Variants in FMN1 observed in about 807,000 individuals in gnomAD.
The protein encoded by FMN1 is formin 1, also known as formin-1.
A neutral mutation model predicts 132.4 loss-of-function variants in FMN1; 110 were observed. The observed-to-expected ratio is 0.83, with a 90% CI of 0.71 to 0.97. FMN1 has a LOEUF of 0.97. FMN1 is among the 50% of genes least tolerant of loss of function. The pLI is 0.00. For synonymous variants in FMN1, 722 were observed against 651.7 expected (o/e 1.11, Z -1.64); for missense variants, 1,792 against 1,705.3 (o/e 1.05, Z -0.90).
At chr15:33,011,664 G>C (rs1286807843) in intron 6 of FMN1, among the ~76,000 whole-genome samples, 2 of 151,990 alleles carry the variant, frequency 1.3e-5, no homozygotes, top group East Asian at 1.9e-4. Flanking sequence ...CATCAATAGA[G>C]ATAACATTCC....
chr15:32,926,124 G>T, intron 10 of FMN1, 50 bp downstream of exon 10: 1 of 1,011,688 alleles, frequency 9.9e-7, no homozygotes, highest in Non-Finnish European at 1.5e-6. Context: ...AGAATGAAAT[G>T]TTTTTTAAAA....
At chr15:33,134,619 G>C (rs980576203) in intron 4 of FMN1, among the ~76,000 whole-genome samples, 1 of 152,208 alleles carries the variant, frequency 6.6e-6, no homozygotes, top group Non-Finnish European at 1.5e-5. Context: ...CAAGTGGAGA[G>C]CACCGAAAGG....
intron 17 of FMN1, among the ~76,000 whole-genome samples, chr15:32,840,879 AAAG>A (rs1325656157): frequency 1.3e-5 from 2 of 152,226 alleles, no homozygotes; most frequent in African/African-American, 4.8e-5. Flanking sequence ...ATCGTTGTTT[AAAG>A]AAGAACAGAT....
chr15:33,113,401 T>G (rs2039787527), intron 4 of FMN1, among the ~76,000 whole-genome samples: 1 of 138,016 alleles, frequency 7.2e-6, no homozygotes, highest in Non-Finnish European at 1.6e-5. Flanking sequence ...AGTGATTTCA[T>G]TCCAGCCTTT....
chr15:32,912,736 T>G (rs1183125846), intron 10 of FMN1, among the ~76,000 whole-genome samples: 6 of 150,836 alleles, frequency 4.0e-5, no homozygotes, highest in Admixed American at 4.0e-4. Flanking sequence ...ACATTCAAGG[T>G]ATAGAAAAAA....
intron 5 of FMN1, among the ~76,000 whole-genome samples, chr15:33,075,177 C>G (rs2038159930): frequency 2.0e-5 from 3 of 152,110 alleles, no homozygotes; most frequent in Non-Finnish European, 4.4e-5. Context: ...AGTACCTACA[C>G]TTCATGAATT....
intron 7 of FMN1, among the ~76,000 whole-genome samples, chr15:32,992,814 G>T (rs1160805868): frequency 1.3e-5 from 2 of 152,004 alleles, no homozygotes; most frequent in Admixed American, 6.6e-5. Context: ...ATCAATAGTG[G>T]GTCATAAAAA....
chr15:33,079,158 C>G (rs1016549044), intron 5 of FMN1, among the ~76,000 whole-genome samples: 1 of 152,016 alleles, frequency 6.6e-6, no homozygotes, highest in Admixed American at 6.6e-5. Flanking sequence ...TCTGTATATA[C>G]CCTCAAAAGT....
At chr15:33,059,793 T>TA (rs1250357541) in intron 6 of FMN1, among the ~76,000 whole-genome samples, 2 of 152,212 alleles carry the variant, frequency 1.3e-5, no homozygotes, top group African/African-American at 4.8e-5. Flanking sequence ...TTTTATATTC[T>TA]AAAAACTGAG....
chr15:33,086,365 CA>C (rs947025880), intron 5 of FMN1, among the ~76,000 whole-genome samples: 46 of 122,028 alleles, frequency 3.8e-4, no homozygotes, highest in South Asian at 2.8e-3. Flanking sequence ...TGAAAAAATA[CA>C]AAAAAAAATT....
chr15:33,104,506 T>C (rs1355361126), intron 4 of FMN1, among the ~76,000 whole-genome samples: 1 of 152,070 alleles, frequency 6.6e-6, no homozygotes, highest in Non-Finnish European at 1.5e-5. Context: ...CACCCTGGTA[T>C]GTGGTTGGGG....
chr15:33,168,788 G>T (rs143141318), intron 3 of FMN1, among the ~76,000 whole-genome samples: 1 of 152,144 alleles, frequency 6.6e-6, no homozygotes, highest in Non-Finnish European at 1.5e-5. Context: ...ATCTAAACCA[G>T]ATCTAACTAG....
intron 16 of FMN1, among the ~76,000 whole-genome samples, chr15:32,880,292 A>T (rs2059737343): frequency 6.6e-6 from 1 of 151,614 alleles, no homozygotes; most frequent in South Asian, 2.1e-4. Flanking sequence ...TGCTCTCAGA[A>T]TTTTTTTTTC....
chr15:33,016,712 C>A (rs537461912), intron 6 of FMN1, among the ~76,000 whole-genome samples: 1 of 152,198 alleles, frequency 6.6e-6, no homozygotes, highest in Non-Finnish European at 1.5e-5. Context: ...AGGAAGAGAT[C>A]TAACTCCACT....
At chr15:33,078,906 T>C (rs1346104272) in intron 5 of FMN1, among the ~76,000 whole-genome samples, 1 of 152,186 alleles carries the variant, frequency 6.6e-6, no homozygotes, top group Admixed American at 6.5e-5. Context: ...CACAGCACTC[T>C]AAGTTTAGTG....
chr15:33,191,703 G>A (rs183916470), intron 2 of FMN1, among the ~76,000 whole-genome samples: 5 of 152,124 alleles, frequency 3.3e-5, no homozygotes, highest in Non-Finnish European at 7.4e-5. Context: ...ACATCTCCCC[G>A]CTTTAGTAAT....
At chr15:32,935,282 A>G (rs1033164626) in intron 9 of FMN1, among the ~76,000 whole-genome samples, 3 of 152,152 alleles carry the variant, frequency 2.0e-5, no homozygotes, top group Non-Finnish European at 4.4e-5. Context: ...TGCTTTGAAT[A>G]TATTACCCTA....
At chr15:33,059,857 G>A (rs2037405068) in intron 6 of FMN1, among the ~76,000 whole-genome samples, 1 of 152,120 alleles carries the variant, frequency 6.6e-6, no homozygotes, top group Non-Finnish European at 1.5e-5. Context: ...ATCTTTACTA[G>A]TATCTCCTTG....
At chr15:32,891,432 C>T (rs7170830) in intron 15 of FMN1, among the ~76,000 whole-genome samples, 30,094 of 152,126 alleles carry the variant, frequency 0.2, 3,166 homozygotes, top group South Asian at 0.25. Context: ...TTAGTAGAGA[C>T]GGGGTTTCAC....
Sources: allele counts gnomAD v4.1 joint callset (sites outside exome capture counted in the v4.1 genomes callset), GRCh38; gene constraint gnomAD v4.1.1; transcripts MANE v1.5; gene names NCBI Gene and HGNC (gene_info 2026-07-23, HGNC 2026-07-21).